The following QTGAL variants were observed in gnomAD, a reference collection of about 807,000 sequenced individuals.
The protein encoded by QTGAL is queuosine-tRNA galactosyltransferase.
the QTGAL span, among the ~76,000 whole-genome samples, chr17:82,966,225 ACATTT>A: frequency 6.6e-6 from 1 of 150,904 alleles, no homozygotes. Flanking sequence ...CTATTTTCTT[ACATTT>A]CTTTTGTAGA....
the QTGAL span, among the ~76,000 whole-genome samples, chr17:83,033,144 T>A: frequency 1.3e-5 from 2 of 152,238 alleles, no homozygotes; most frequent in Non-Finnish European, 2.9e-5. Context: ...AAGTAATTTT[T>A]AAATATCTAT....
At chr17:83,002,056 CTTTT>C in the QTGAL span, among the ~76,000 whole-genome samples, 1,513 of 148,546 alleles carry the variant, frequency 0.01, 30 homozygotes, top group African/African-American at 0.035. Context: ...GCCACTGCGC[CTTTT>C]TTTTTTTTTT....
the QTGAL span, among the ~76,000 whole-genome samples, chr17:83,045,671 T>C: frequency 5.9e-5 from 9 of 152,102 alleles, no homozygotes; most frequent in African/African-American, 2.2e-4. Flanking sequence ...GGAAAAAAAT[T>C]GCAAATTATA....
At chr17:82,965,517 C>T in the QTGAL span, 1 of 872,506 alleles carries the variant, frequency 1.1e-6, no homozygotes, top group Non-Finnish European at 1.8e-6. Flanking sequence ...GGAGGACCCT[C>T]AGGCAGGGGT....
chr17:83,025,749 C>T, the QTGAL span, among the ~76,000 whole-genome samples: 1 of 152,232 alleles, frequency 6.6e-6, no homozygotes, highest in Non-Finnish European at 1.5e-5. Flanking sequence ...CACAGAGACA[C>T]AGTAACTAAA....
chr17:82,996,567 A>C, the QTGAL span, among the ~76,000 whole-genome samples: 1 of 152,056 alleles, frequency 6.6e-6, no homozygotes, highest in East Asian at 1.9e-4. Flanking sequence ...AATTTATATG[A>C]AACCACAGAA....
chr17:82,992,308 G>C, the QTGAL span, among the ~76,000 whole-genome samples: 2 of 152,028 alleles, frequency 1.3e-5, no homozygotes, highest in African/African-American at 2.4e-5. Context: ...AGCAGCAAGA[G>C]AAAAGAAACA....
chr17:82,970,645 C>CAG, the QTGAL span, among the ~76,000 whole-genome samples: 1 of 68,400 alleles, frequency 1.5e-5, no homozygotes, highest in African/African-American at 5.1e-5. Context: ...CCTCCGCACC[C>CAG]GGTGTGGCCG....
At chr17:83,019,667 G>A in the QTGAL span, among the ~76,000 whole-genome samples, 1 of 152,238 alleles carries the variant, frequency 6.6e-6, no homozygotes, top group Admixed American at 6.5e-5. Flanking sequence ...TGGCTAAAAT[G>A]GTAAATTTTA....
the QTGAL span, among the ~76,000 whole-genome samples, chr17:83,050,333 G>C: frequency 6.6e-6 from 1 of 152,008 alleles, no homozygotes; most frequent in Non-Finnish European, 1.5e-5. Context: ...TCGCGCCATT[G>C]TACTCCAGCC....
the QTGAL span, chr17:82,945,964 AAAATGGACAACAGCAGCATAT>A: frequency 6.6e-6 from 1 of 152,248 alleles, no homozygotes; most frequent in African/African-American, 2.4e-5. Flanking sequence ...AGAATTGCTT[AAAATGGACAACAGCAGCATAT>A]AAATCAGTGG....
At chr17:82,986,450 C>T in the QTGAL span, among the ~76,000 whole-genome samples, 1 of 152,236 alleles carries the variant, frequency 6.6e-6, no homozygotes, top group Non-Finnish European at 1.5e-5. Flanking sequence ...AAAACAAATT[C>T]GCTTCCCCAC....
the QTGAL span, among the ~76,000 whole-genome samples, chr17:83,012,223 C>A: frequency 1.3e-5 from 1 of 78,320 alleles, no homozygotes; most frequent in Non-Finnish European, 2.5e-5. Context: ...TGAACACACG[C>A]CACGAACTCC....
At chr17:83,041,655 A>G in the QTGAL span, among the ~76,000 whole-genome samples, 1 of 152,246 alleles carries the variant, frequency 6.6e-6, no homozygotes, top group Non-Finnish European at 1.5e-5. Context: ...TTAAAACATC[A>G]TAAGTCAAAA....
chr17:83,043,776 A>G, the QTGAL span, among the ~76,000 whole-genome samples: 1 of 152,200 alleles, frequency 6.6e-6, no homozygotes, highest in Non-Finnish European at 1.5e-5. Context: ...AGAAAGAAGG[A>G]AAGACAGCTC....
chr17:83,027,958 C>G, the QTGAL span, among the ~76,000 whole-genome samples: 2 of 151,510 alleles, frequency 1.3e-5, no homozygotes, highest in Non-Finnish European at 2.9e-5. Flanking sequence ...TACTAAAATA[C>G]AAAAAATTAG....
At chr17:82,966,096 T>TG in the QTGAL span, among the ~76,000 whole-genome samples, 2 of 151,670 alleles carry the variant, frequency 1.3e-5, no homozygotes, top group African/African-American at 4.8e-5. Flanking sequence ...TTTTTTTTTT[T>TG]TTGTAGAGAT....
chr17:82,958,506 G>A, the QTGAL span, among the ~76,000 whole-genome samples: 8 of 152,262 alleles, frequency 5.3e-5, 1 homozygote, highest in South Asian at 6.2e-4. Context: ...GCTGTTCTAC[G>A]ATTCTGCTGC....
the QTGAL span, among the ~76,000 whole-genome samples, chr17:83,016,603 C>CAGAAGAGGAGGGGGGAGGAGGGAG: frequency 9.8e-6 from 1 of 102,112 alleles, no homozygotes; most frequent in African/African-American, 3.8e-5. Context: ...GGGGAGAGGA[C>CAGAAGAGGAGGGGGGAGGAGGGAG]TGAAGAGGAG....
Sources: gnomAD v4.1 joint callset for allele counts (sites outside exome capture counted in the v4.1 genomes callset) on GRCh38, gnomAD v4.1.1 for gene constraint, MANE v1.5 for transcripts, NCBI Gene and HGNC (gene_info 2026-07-23, HGNC 2026-07-21) for gene names.